SEPTIN9: variants seen among roughly 807,000 people sequenced by gnomAD.
SEPTIN9 encodes the protein septin-9.
A neutral mutation model predicts 56.6 loss-of-function variants in SEPTIN9; 13 were observed. The observed-to-expected ratio is 0.23, with a 90% confidence interval of 0.15 to 0.37. The LOEUF (loss-of-function observed/expected upper bound fraction) is 0.37. Ranked by LOEUF, SEPTIN9 falls within the 10% of genes least tolerant of loss-of-function variation. SEPTIN9 has a pLI of 1.00. For missense variants in SEPTIN9, 650 were observed against 823.1 expected (o/e 0.79, Z 2.57); for synonymous variants, 332 against 334.1 (o/e 0.99, Z 0.07).
intron 3 of SEPTIN9, among the ~76,000 whole-genome samples, chr17:77,480,084 G>T (rs1394286194): frequency 6.6e-6 from 1 of 152,170 alleles, no homozygotes; most frequent in Non-Finnish European, 1.5e-5. Flanking sequence ...GGGGCCACGT[G>T]GGGGCACAGA....
At chr17:77,401,893 G>C (rs1054841357) in intron 2 of SEPTIN9, among the ~76,000 whole-genome samples, 166 bp from the exon 3 acceptor site, 2 of 152,080 alleles carry the variant, frequency 1.3e-5, no homozygotes, top group Non-Finnish European at 2.9e-5. Context: ...GGTTCTCCTA[G>C]GATGGGGCTG....
At position 77,429,257 on chromosome 17, in the gene SEPTIN9, T is replaced by C. The variant is rs1568062314; in HGVS notation, c.721+26554T>C. The C allele has an allele frequency of 2.1e-6, 1 of 471,262 alleles. No individual in the cohort carries two copies. The highest frequency in any genetic ancestry group is 2.3e-5 in the Admixed American group (1 of 42,592). The allele number at this position is 471,262 out of a possible 1,614,324, so 29.2% of individuals were successfully genotyped here. On this transcript the variant is annotated intron_variant, in intron 3 of 11. Transcript: ENST00000427177. This position sits in a 1 kb window ranked among gnomAD's most constrained non-coding sequence, Gnocchi z 5.2. ...TGGAGAAGCTCGTTGACCGTGACCT[T>C]GATCTGACCGTAATTTTGATGGTGC...
Position 77,455,799 on chromosome 17 carries a change from G to A in SEPTIN9, c.722-26345G>A, listed in dbSNP as rs187648825. Among the ~76,000 whole-genome samples the A allele has an allele frequency of 7.2e-4, 110 of 152,360 alleles. 1 individual carries two copies. Among genetic ancestry groups the A allele is most frequent in the Non-Finnish European group, 1.2e-3 (82 of 68,034 alleles). On this transcript the variant is annotated intron_variant, in intron 3 of 11. Coordinates refer to ENST00000427177, the MANE Select transcript of SEPTIN9 (RefSeq NM_001113491.2). ...AATGAATGGTCAGCATTGTGTGACCGCAGATTTTCAACTTTTATCCAAATA... is the reference window on the plus strand; with the variant it reads ...AATGAATGGTCAGCATTGTGTGACCACAGATTTTCAACTTTTATCCAAATA...
Position 77,475,864 on chromosome 17 carries a change from C to G in SEPTIN9, c.722-6280C>G. On this transcript the variant is annotated intron_variant, in intron 3 of 11. Transcript: ENST00000427177. The surrounding 1 kb of genome is among the most constrained non-coding windows in gnomAD (Gnocchi z 4.6). ...CCTCCGTGGGCAGGAGGAGGATGAC[C>G]TTGCATTCTGCTTGGCCACCATTGG... The G allele has an allele frequency of 6.2e-7, 1 of 1,613,092 alleles. No individual in the cohort carries two copies. Among genetic ancestry groups the G allele is most frequent in the South Asian group, 1.1e-5 (1 of 91,066 alleles).
chr17:77,416,610 C>G (rs575519981), intron 3 of SEPTIN9, among the ~76,000 whole-genome samples: 1 of 152,144 alleles, frequency 6.6e-6, no homozygotes, highest in Non-Finnish European at 1.5e-5. Flanking sequence ...CTGCATCCTC[C>G]GAAGCATAAC....
chr17:77,431,827 T>C (rs2037146337), intron 3 of SEPTIN9, among the ~76,000 whole-genome samples: 1 of 127,572 alleles, frequency 7.8e-6, no homozygotes, highest in African/African-American at 3.3e-5. Context: ...TGAAATGCTG[T>C]CTCAAAAAAA....
chr17:77,451,283 C>A lies in SEPTIN9; in HGVS notation c.722-30861C>A. 2 of 810,866 alleles carry A rather than the reference C, an allele frequency of 2.5e-6. No homozygotes were observed. Among genetic ancestry groups the A allele is most frequent in the Non-Finnish European group, 3.0e-6 (2 of 670,270 alleles). The allele number at this position is 810,866 out of a possible 1,614,324, so 50.2% of individuals were successfully genotyped here. On this transcript the variant is annotated intron_variant, in intron 3 of 11. Coordinates refer to ENST00000427177, the MANE Select transcript of SEPTIN9 (RefSeq NM_001113491.2). The surrounding 1 kb of genome is among the most constrained non-coding windows in gnomAD (Gnocchi z 4.2). ...CTTCTGCGCCGGGCCTGCCGCTGGGCGCCCCTATCTCTGCCTGCCCCCTCC... is the reference window on the plus strand; with the variant it reads ...CTTCTGCGCCGGGCCTGCCGCTGGGAGCCCCTATCTCTGCCTGCCCCCTCC...
At chr17:77,411,700 C>G (rs934049027) in intron 3 of SEPTIN9, among the ~76,000 whole-genome samples, 1 of 152,148 alleles carries the variant, frequency 6.6e-6, no homozygotes, top group African/African-American at 2.4e-5. Context: ...CATCAGCTGT[C>G]CCATGGCCCT....
At position 77,495,755 on chromosome 17, in the gene SEPTIN9, G is replaced by A. The variant is rs2627203; in HGVS notation, c.1574-1560G>A. On this transcript the variant is annotated intron_variant, in intron 10 of 11. Coordinates refer to ENST00000427177, the MANE Select transcript of SEPTIN9 (RefSeq NM_001113491.2). ...TAGTGTGGACACCGCCCTACACAGG[G>A]CCGTGGCAGGAGGGCCTAGGCAAAG... Among the ~76,000 whole-genome samples, 924 of 152,340 alleles carry A rather than the reference G, an allele frequency of 6.1e-3. 10 individuals carry two copies. Among genetic ancestry groups the A allele is most frequent in the African/African-American group, 0.022 (897 of 41,574 alleles).
chr17:77,364,402 T>C (rs1163395389), intron 2 of SEPTIN9, among the ~76,000 whole-genome samples: 2 of 152,264 alleles, frequency 1.3e-5, no homozygotes. Context: ...TGTCGATTCA[T>C]GGCAGTCTGG....
At chr17:77,345,673 A>G (rs2033868790) in intron 2 of SEPTIN9, among the ~76,000 whole-genome samples, 1 of 152,186 alleles carries the variant, frequency 6.6e-6, no homozygotes, top group Non-Finnish European at 1.5e-5. Context: ...CACTGGGCAC[A>G]CGCCACTGGC....
chr17:77,474,161 T>C (rs2039117679), intron 3 of SEPTIN9, among the ~76,000 whole-genome samples: 1 of 152,240 alleles, frequency 6.6e-6, no homozygotes, highest in South Asian at 2.1e-4. Context: ...GGTGGAGTTT[T>C]CAGATGAGGG....
chr17:77,424,123 G>C (rs1031526357), intron 3 of SEPTIN9, among the ~76,000 whole-genome samples: 1 of 152,246 alleles, frequency 6.6e-6, no homozygotes, highest in Non-Finnish European at 1.5e-5. Flanking sequence ...GCGTCCTGAC[G>C]TACTCCAGGC....
In SEPTIN9 at chr17:77,281,563, C is replaced by G. The variant is rs1236117991; in HGVS notation, c.19+9C>G. The G allele has an allele frequency of 6.5e-7, 1 of 1,540,906 alleles. No individual in the cohort carries two copies. Among genetic ancestry groups the G allele is most frequent in the Non-Finnish European group, 8.7e-7 (1 of 1,143,258 alleles). On this transcript the variant is annotated intron_variant, in intron 1 of 11. Coordinates refer to ENST00000427177, the MANE Select transcript of SEPTIN9 (RefSeq NM_001113491.2). ...GAAGAAGTCTTACTCAGGTGGGCTTCGCGCCCGGGGTGGGGAGGGGTCGGT... is the reference window on the plus strand; with the variant it reads ...GAAGAAGTCTTACTCAGGTGGGCTTGGCGCCCGGGGTGGGGAGGGGTCGGT...
intron 2 of SEPTIN9, among the ~76,000 whole-genome samples, chr17:77,355,142 A>G (rs367644583): frequency 5.9e-5 from 9 of 152,234 alleles, no homozygotes; most frequent in Admixed American, 3.3e-4. Context: ...ATGGGCCTAT[A>G]TGTCCCATTG....
chr17:77,447,432 G>A (rs1020557113), intron 3 of SEPTIN9, among the ~76,000 whole-genome samples: 13 of 152,180 alleles, frequency 8.5e-5, no homozygotes, highest in African/African-American at 3.1e-4. Context: ...AAATTCCAAT[G>A]GCCTCACTCT....
chr17:77,436,556 C>T lies in SEPTIN9; in HGVS notation c.721+33853C>T, dbSNP rs1462485875. On this transcript the variant is annotated intron_variant, in intron 3 of 11. Transcript: ENST00000427177. The surrounding 1 kb of genome is among the most constrained non-coding windows in gnomAD (Gnocchi z 4.4). Reference sequence around the variant, plus strand: ...CCACTTCCTTTGCCATGGGCCCCCTCCTCCACGCAGACCCTCAGCCTGGAA... The same window carrying T: ...CCACTTCCTTTGCCATGGGCCCCCTTCTCCACGCAGACCCTCAGCCTGGAA... Among the ~76,000 whole-genome samples, 2 of 152,250 alleles carry T rather than the reference C, an allele frequency of 1.3e-5. No homozygotes were observed. The highest frequency in any genetic ancestry group is 2.9e-5 in the Non-Finnish European group (2 of 68,050).
At position 77,411,670 on chromosome 17, in the gene SEPTIN9, G is replaced by T. The variant is rs532978990; in HGVS notation, c.721+8967G>T. Among the ~76,000 whole-genome samples, 3 of 152,132 alleles carry T rather than the reference G, an allele frequency of 2.0e-5. No homozygotes were observed. In the East Asian group the frequency reaches 5.8e-4, roughly 29 times the overall value. ...CCACCTCGGCCTCCCAAAGTAGCAC[G>T]TTCCTTTTAATGGTTGTGTCATCAG... is the stretch of plus-strand genomic sequence containing the variant. On this transcript the variant is annotated intron_variant, in intron 3 of 11. Coordinates refer to ENST00000427177, the MANE Select transcript of SEPTIN9 (RefSeq NM_001113491.2).
rs1046136575 is a variant in SEPTIN9, at chr17:77,433,164, T to A, written c.721+30461T>A. 6.6e-6 allele frequency among the ~76,000 whole-genome samples: 1 copy of A among 152,182 alleles called. No homozygotes were observed. Among genetic ancestry groups the A allele is most frequent in the Admixed American group, 6.6e-5 (1 of 15,262 alleles). Reference sequence around the variant, plus strand: ...TGTGCAAAATGAGATGTTCTGAGCATCGAGGATGCTGTGGGGGATCCTCCA... The same window carrying A: ...TGTGCAAAATGAGATGTTCTGAGCAACGAGGATGCTGTGGGGGATCCTCCA... On this transcript the variant is annotated intron_variant, in intron 3 of 11. Coordinates refer to ENST00000427177, the MANE Select transcript of SEPTIN9 (RefSeq NM_001113491.2). This position sits in a 1 kb window ranked among gnomAD's most constrained non-coding sequence, Gnocchi z 6.4.
Sources: allele counts gnomAD v4.1 joint callset (sites outside exome capture counted in the v4.1 genomes callset), GRCh38; gene constraint gnomAD v4.1.1; non-coding constraint Gnocchi (gnomAD v3.1); transcripts MANE v1.5; gene names NCBI Gene and HGNC (gene_info 2026-07-23, HGNC 2026-07-21).